Variants in IGF2BP3 observed in about 807,000 individuals in gnomAD.
IGF2BP3 encodes the protein insulin like growth factor 2 mRNA binding protein 3, also known as insulin-like growth factor 2 mRNA-binding protein 3.
In IGF2BP3, 9 loss-of-function variants were observed where a neutral mutation model predicts 73.8. That is an observed-to-expected ratio of 0.12 (90% CI 0.07 to 0.21). The LOEUF (loss-of-function observed/expected upper bound fraction) is 0.21. IGF2BP3 is among the 10% of genes least tolerant of loss of function. The pLI, the probability that IGF2BP3 is intolerant of heterozygous loss-of-function variation, is 1.00. For synonymous variants in IGF2BP3, 258 were observed against 256.7 expected, an observed-to-expected ratio of 1.01 and a Z score of -0.05; for missense variants, 542 against 714.0, an observed-to-expected ratio of 0.76 and a Z score of 2.75.
intron 10 of IGF2BP3, among the ~76,000 whole-genome samples, chr7:23,337,611 G>C (rs987041103): frequency 6.6e-6 from 1 of 152,242 alleles, no homozygotes; most frequent in Non-Finnish European, 1.5e-5. Flanking sequence ...ACAGCCAGTG[G>C]TATGTTCTGG....
chr7:23,327,215 C>CA (rs749443861), intron 10 of IGF2BP3, among the ~76,000 whole-genome samples: 8 of 151,794 alleles, frequency 5.3e-5, no homozygotes, highest in Non-Finnish European at 1.2e-4. Flanking sequence ...CCCAAGTACT[C>CA]AAGTTAACCC....
At position 23,310,716 on chromosome 7, in the gene IGF2BP3, A is replaced by G. The variant is rs1326064983; in HGVS notation, c.*1646T>C. On this transcript the variant is annotated 3_prime_UTR_variant, in exon 15 of 15. Coordinates refer to ENST00000258729, the MANE Select transcript of IGF2BP3 (RefSeq NM_006547.3). ...AGGAAAACACTTTAAATCATTTTCA[A>G]AATGTCTAATTGATCTTCAGAAAAA... 1.3e-5 allele frequency: 2 copies of G among 152,252 alleles called. No homozygotes were observed. The highest frequency in any genetic ancestry group is 2.9e-5 in the Non-Finnish European group (2 of 68,052). 9.4% of individuals were successfully genotyped at this position (152,252 alleles called of 1,614,324 possible). A position where few individuals can be genotyped will look rare whatever the true frequency, so the allele number is the denominator to read the frequency against.
At chr7:23,446,310 C>A (rs537587965) in intron 2 of IGF2BP3, among the ~76,000 whole-genome samples, 10 of 152,098 alleles carry the variant, frequency 6.6e-5, no homozygotes, top group African/African-American at 2.4e-4. Context: ...TTATGTAATC[C>A]CAGCACTTTG....
intron 3 of IGF2BP3, among the ~76,000 whole-genome samples, chr7:23,397,088 C>A (rs2128523744): frequency 6.6e-6 from 1 of 152,242 alleles, no homozygotes; most frequent in East Asian, 1.9e-4. Context: ...CATACCTCTG[C>A]CTTATATTTT....
At chr7:23,332,736 T>G (rs1417998848) in intron 10 of IGF2BP3, among the ~76,000 whole-genome samples, 1 of 152,242 alleles carries the variant, frequency 6.6e-6, no homozygotes, top group East Asian at 1.9e-4. Context: ...CTTTATGGCC[T>G]TTTTTATTTT....
chr7:23,468,281 G>T (rs1041982493), intron 2 of IGF2BP3, among the ~76,000 whole-genome samples: 1 of 152,026 alleles, frequency 6.6e-6, no homozygotes, highest in East Asian at 1.9e-4. Context: ...CGCGGCAGAG[G>T]CCACAGAAAA....
At chr7:23,335,229 G>T (rs1438037890) in intron 10 of IGF2BP3, among the ~76,000 whole-genome samples, 1 of 151,782 alleles carries the variant, frequency 6.6e-6, no homozygotes, top group Non-Finnish European at 1.5e-5. Context: ...TCTTAAGGAG[G>T]AAGACTAAGA....
chr7:23,343,853 T>C lies in IGF2BP3; in HGVS notation c.942A>G (p.Pro314=). Residue 314 remains proline (P), a splice_region_variant and synonymous_variant, in exon 9 of 15, where the codon CCA becomes CCG. Transcript: ENST00000258729. The stretch of plus-strand genomic sequence containing the variant: ...GATTATACAGCGTCAATTCCTGCAA[T>C]CTGCAGAATGAAAAAGAAGGGAAAG... ...QDTDTKITIS[P]LQELTLYNPE... is the part of the protein sequence containing the mutation. The C allele has an allele frequency of 6.2e-7, 1 of 1,609,092 alleles. No homozygotes were observed. The highest frequency in any genetic ancestry group is 8.5e-7 in the Non-Finnish European group (1 of 1,178,764).
chr7:23,343,608 A>G, intron 9 of IGF2BP3, 110 bp downstream of exon 9: 1 of 1,065,624 alleles, frequency 9.4e-7, no homozygotes, highest in Non-Finnish European at 1.4e-6. Flanking sequence ...AAAATCAACT[A>G]GAACTACTTC....
intron 3 of IGF2BP3, among the ~76,000 whole-genome samples, chr7:23,376,521 T>C (rs1583958068): frequency 9.3e-6 from 1 of 107,910 alleles, no homozygotes; most frequent in Non-Finnish European, 1.8e-5. Flanking sequence ...GGCAACAGAG[T>C]AAGGCTCCAT....
chr7:23,382,990 T>C (rs1022598444), intron 3 of IGF2BP3, among the ~76,000 whole-genome samples: 7 of 151,352 alleles, frequency 4.6e-5, no homozygotes, highest in Admixed American at 2.6e-4. Context: ...GGAGGATCAT[T>C]TGAGCCCAGG....
In IGF2BP3 at chr7:23,363,709, G is replaced by A. The variant is rs186305221; in HGVS notation, c.286-1968C>T. Reference sequence around the variant, plus strand: ...ACATTAATCTTTGTCTCTGATTATAGCTATTCTTAAATCACAAAAAGACAT... The same window carrying A: ...ACATTAATCTTTGTCTCTGATTATAACTATTCTTAAATCACAAAAAGACAT... On this transcript the variant is annotated intron_variant, in intron 3 of 14. Coordinates refer to ENST00000258729, the MANE Select transcript of IGF2BP3 (RefSeq NM_006547.3). 6.6e-5 allele frequency among the ~76,000 whole-genome samples: 10 copies of A among 152,244 alleles called. No individual in the cohort carries two copies. The East Asian group carries it at 1.9e-3, about 29-fold the overall frequency.
chr7:23,398,002 T>C (rs576542102), intron 3 of IGF2BP3, among the ~76,000 whole-genome samples: 87 of 152,266 alleles, frequency 5.7e-4, no homozygotes, highest in Admixed American at 5.7e-3. Flanking sequence ...AAGCAGAGGC[T>C]GAAGTGGTAC....
intron 3 of IGF2BP3, among the ~76,000 whole-genome samples, chr7:23,375,383 C>T (rs1317310249): frequency 6.6e-6 from 1 of 152,082 alleles, no homozygotes; most frequent in Admixed American, 6.6e-5. Flanking sequence ...GGCATAGGGT[C>T]CCCCAACATG....
intron 9 of IGF2BP3, among the ~76,000 whole-genome samples, chr7:23,343,360 T>C (rs571826050): frequency 1.3e-5 from 2 of 152,326 alleles, no homozygotes; most frequent in East Asian, 1.9e-4. Context: ...AGCTCATAAA[T>C]GGTTCAGCTG....
intron 10 of IGF2BP3, among the ~76,000 whole-genome samples, chr7:23,324,108 T>C (rs1784229054): frequency 6.6e-6 from 1 of 151,954 alleles, no homozygotes; most frequent in Non-Finnish European, 1.5e-5. Context: ...CAAAAAACCC[T>C]TGAAAAAATT....
intron 9 of IGF2BP3, among the ~76,000 whole-genome samples, 171 bp downstream of exon 9, chr7:23,343,547 T>C (rs1247964239): frequency 6.6e-6 from 1 of 152,218 alleles, no homozygotes; most frequent in Non-Finnish European, 1.5e-5. Context: ...CAAAGCTTAA[T>C]GTCAAAGCCA....
At chr7:23,328,366 G>A (rs964006890) in intron 10 of IGF2BP3, among the ~76,000 whole-genome samples, 1 of 152,086 alleles carries the variant, frequency 6.6e-6, no homozygotes, top group Non-Finnish European at 1.5e-5. Context: ...GTGCCACCAT[G>A]CCCAGCTAAC....
chr7:23,365,101 G>A (rs912140254), intron 3 of IGF2BP3, among the ~76,000 whole-genome samples: 21 of 152,130 alleles, frequency 1.4e-4, no homozygotes, highest in African/African-American at 4.8e-4. Context: ...GGGAGGTGGA[G>A]GTGGCAGTGA....
Sources: allele counts gnomAD v4.1 joint callset (sites outside exome capture counted in the v4.1 genomes callset), GRCh38; gene constraint gnomAD v4.1.1; transcripts MANE v1.5; gene names NCBI Gene and HGNC (gene_info 2026-07-23, HGNC 2026-07-21).